GABRG3: variants seen among roughly 807,000 people sequenced by gnomAD.
GABRG3 encodes the protein gamma-aminobutyric acid type A receptor subunit gamma3, also known as gamma-aminobutyric acid receptor subunit gamma-3.
Under a neutral mutation model 48.8 loss-of-function variants are expected in GABRG3, and 25 were observed. The observed-to-expected ratio is 0.51, with a 90% confidence interval of 0.37 to 0.72. The LOEUF (loss-of-function observed/expected upper bound fraction) is 0.72. Among genes scored for constraint, GABRG3 ranks in the 30% least tolerant of loss-of-function variants. The probability of loss-of-function intolerance (pLI) is 0.00; values close to 1 mark genes in which losing one functional copy is unlikely to be tolerated. For missense variants in GABRG3, 394 were observed against 577.9 expected (o/e 0.68, Z 3.26); for synonymous variants, 227 against 217.6 (o/e 1.04, Z -0.38).
At chr15:27,530,262 G>C (rs971240703) in intron 9 of GABRG3, among the ~76,000 whole-genome samples, 1 of 152,148 alleles carries the variant, frequency 6.6e-6, no homozygotes, top group East Asian at 1.9e-4. Flanking sequence ...CAGGAAGCAC[G>C]GTGCTCTGGG....
At chr15:27,299,519 G>C (rs1892120565) in intron 3 of GABRG3, among the ~76,000 whole-genome samples, 1 of 152,186 alleles carries the variant, frequency 6.6e-6, no homozygotes, top group Non-Finnish European at 1.5e-5. Flanking sequence ...CAAGCAGTGA[G>C]AGTTCTAATG....
At chr15:27,016,590 T>G (rs987540880) in intron 2 of GABRG3, among the ~76,000 whole-genome samples, 1 of 151,624 alleles carries the variant, frequency 6.6e-6, no homozygotes, top group Non-Finnish European at 1.5e-5. Context: ...GATCTCTTTA[T>G]TTTTATTCTA....
chr15:27,066,304 C>A (rs1267347163), intron 3 of GABRG3, among the ~76,000 whole-genome samples: 3 of 152,170 alleles, frequency 2.0e-5, no homozygotes, highest in Non-Finnish European at 2.9e-5. Flanking sequence ...CCATCCATTT[C>A]TGCATATTCT....
chr15:27,339,631 C>G (rs1057042132), intron 5 of GABRG3, among the ~76,000 whole-genome samples: 1 of 152,170 alleles, frequency 6.6e-6, no homozygotes, highest in African/African-American at 2.4e-5. Flanking sequence ...GTATCGTCCC[C>G]CAATAACTGA....
chr15:27,024,543 T>G (rs895988935), intron 2 of GABRG3, among the ~76,000 whole-genome samples: 1 of 152,220 alleles, frequency 6.6e-6, no homozygotes, highest in African/African-American at 2.4e-5. Flanking sequence ...TTCCTAGCAC[T>G]GTTGGTTGAA....
chr15:27,206,826 T>A (rs1002407362), intron 3 of GABRG3, among the ~76,000 whole-genome samples: 2 of 152,154 alleles, frequency 1.3e-5, no homozygotes, highest in Non-Finnish European at 2.9e-5. Context: ...GTCCTTTTGA[T>A]CATTGTTGGT....
chr15:27,207,354 G>A (rs566172351), intron 3 of GABRG3, among the ~76,000 whole-genome samples: 6 of 152,254 alleles, frequency 3.9e-5, no homozygotes, highest in South Asian at 2.1e-4. Context: ...TCTCACAAAC[G>A]AAGTGACTGA....
chr15:27,422,585 T>C (rs1888157264), intron 5 of GABRG3, among the ~76,000 whole-genome samples: 1 of 152,180 alleles, frequency 6.6e-6, no homozygotes, highest in Admixed American at 6.5e-5. Context: ...GAGGCATCCA[T>C]GGGAGTGGGT....
chr15:27,336,320 AAG>A lies in GABRG3; in HGVS notation c.574+7434_574+7435del, dbSNP rs562197528. 8.6e-5 allele frequency among the ~76,000 whole-genome samples: 13 copies of A among 151,962 alleles called. No homozygotes were observed. In the South Asian group the frequency reaches 1.5e-3, roughly 17 times the overall value. Reference sequence around the variant, plus strand: ...GAAGAAGGAGAAGGAGAAGAAAAGAAAGAAGATGAAGAAAAAGGAAAGAAAGA... The same window carrying A: ...GAAGAAGGAGAAGGAGAAGAAAAGAAAAGATGAAGAAAAAGGAAAGAAAGA... On this transcript the variant is annotated intron_variant, in intron 5 of 9. Transcript: ENST00000615808.
At chr15:27,050,210 A>G (rs753966110) in intron 3 of GABRG3, among the ~76,000 whole-genome samples, 19 of 152,230 alleles carry the variant, frequency 1.2e-4, no homozygotes, top group Non-Finnish European at 2.1e-4. Flanking sequence ...ACACACAAAG[A>G]GATTAGCCGT....
rs57826540 is a variant in GABRG3 at position 26,976,121 on chromosome 15, C to CAA, written c.54-869_54-868dup. Among the ~76,000 whole-genome samples, 3 of 141,038 alleles carry CAA rather than the reference C, an allele frequency of 2.1e-5. No individual in the cohort carries two copies. Among genetic ancestry groups the CAA allele is most frequent in the Admixed American group, 7.1e-5 (1 of 14,116 alleles). The allele number at this position is 141,038 out of a possible 152,430, so 92.5% of individuals were successfully genotyped here. ...TTTAAAAAACCCAAAACTGCAGAAC[C>CAA]AAAAAAAAAAAAAGGGAAAACTAGC... On this transcript the variant is annotated intron_variant, in intron 1 of 9. Coordinates refer to ENST00000615808, the MANE Select transcript of GABRG3 (RefSeq NM_033223.5). The surrounding 1 kb of genome is among the most constrained non-coding windows in gnomAD (Gnocchi z 7.8).
At chr15:27,125,808 C>T (rs773743299) in intron 3 of GABRG3, among the ~76,000 whole-genome samples, 13 of 152,322 alleles carry the variant, frequency 8.5e-5, no homozygotes, top group African/African-American at 1.4e-4. Context: ...CGCTGTCTGC[C>T]GCAAGGCTGG....
intron 2 of GABRG3, among the ~76,000 whole-genome samples, chr15:27,014,344 TA>T (rs1344428943): frequency 2.4e-4 from 36 of 151,716 alleles, no homozygotes; most frequent in South Asian, 1.0e-3. Flanking sequence ...TACATTTCTT[TA>T]TTTTTTTTTT....
In GABRG3 at chr15:27,471,923, C is replaced by A. The variant is rs552135198; in HGVS notation, c.575-8727C>A. On this transcript the variant is annotated intron_variant, in intron 5 of 9. Coordinates refer to ENST00000615808, the MANE Select transcript of GABRG3 (RefSeq NM_033223.5). ...GCCCCACTCACTGTACTTCTCCTGGCCATTCTTGCTTGATTGTTCTTACAA... is the reference window on the plus strand; with the variant it reads ...GCCCCACTCACTGTACTTCTCCTGGACATTCTTGCTTGATTGTTCTTACAA... Among the ~76,000 whole-genome samples the A allele has an allele frequency of 3.9e-5, 6 of 152,236 alleles. No homozygotes were observed. In the South Asian group the frequency reaches 8.3e-4, roughly 21 times the overall value.
intron 3 of GABRG3, among the ~76,000 whole-genome samples, chr15:27,065,187 A>G (rs1447246766): frequency 6.6e-6 from 1 of 152,192 alleles, no homozygotes; most frequent in African/African-American, 2.4e-5. Flanking sequence ...TTTACTCACC[A>G]TAACGAGTGG....
intron 5 of GABRG3, among the ~76,000 whole-genome samples, chr15:27,461,407 T>A (rs35704743): frequency 0.095 from 14,454 of 152,242 alleles, 1,241 homozygotes; most frequent in African/African-American, 0.22. Flanking sequence ...TTCTGGTGGG[T>A]TCTTGGTCTC....
At chr15:27,282,509 A>G (rs1213793268) in intron 3 of GABRG3, among the ~76,000 whole-genome samples, 1 of 152,126 alleles carries the variant, frequency 6.6e-6, no homozygotes, top group African/African-American at 2.4e-5. Flanking sequence ...CCATTTAGTA[A>G]GGTTTTAAAG....
chr15:27,330,244 T>TATGA (rs1555372351), intron 5 of GABRG3, among the ~76,000 whole-genome samples: 1 of 151,904 alleles, frequency 6.6e-6, no homozygotes, highest in Non-Finnish European at 1.5e-5. Flanking sequence ...TGTCTCAAAA[T>TATGA]ATAAATAAAT....
chr15:27,249,794 A>G (rs1361110339), intron 3 of GABRG3, among the ~76,000 whole-genome samples: 1 of 152,194 alleles, frequency 6.6e-6, no homozygotes, highest in Non-Finnish European at 1.5e-5. Flanking sequence ...TGGGGGAGGA[A>G]TGGCAAAAAG....
Sources: allele counts gnomAD v4.1 joint callset (sites outside exome capture counted in the v4.1 genomes callset), GRCh38; gene constraint gnomAD v4.1.1; non-coding constraint Gnocchi (gnomAD v3.1); transcripts MANE v1.5; gene names NCBI Gene and HGNC (gene_info 2026-07-23, HGNC 2026-07-21).